Variants in PPARGC1A observed in about 807,000 individuals in gnomAD.
PPARGC1A encodes PPARG coactivator 1 alpha, also known as peroxisome proliferator-activated receptor gamma coactivator 1-alpha.
A neutral mutation model predicts 88.7 loss-of-function variants in PPARGC1A; 25 were observed. The observed-to-expected ratio is 0.28, with a 90% confidence interval of 0.21 to 0.39. PPARGC1A has a LOEUF of 0.39. Among genes scored for constraint, PPARGC1A ranks in the 10% least tolerant of loss-of-function variants. The pLI, the probability that PPARGC1A is intolerant of heterozygous loss-of-function variation, is 1.00. For missense variants in PPARGC1A, 880 were observed against 968.7 expected, an observed-to-expected ratio of 0.91 and a Z score of 1.22; for synonymous variants, 363 against 355.6, an observed-to-expected ratio of 1.02 and a Z score of -0.24.
the PPARGC1A span, among the ~76,000 whole-genome samples, chr4:24,207,789 G>A: frequency 2.0e-5 from 3 of 152,104 alleles, no homozygotes; most frequent in Non-Finnish European, 2.9e-5. Context: ...CTAGCCAGAG[G>A]AAATAAGGAA....
chr4:24,220,547 A>C, the PPARGC1A span, among the ~76,000 whole-genome samples: 3 of 152,314 alleles, frequency 2.0e-5, no homozygotes, highest in African/African-American at 7.2e-5. Flanking sequence ...CAGCCATAAA[A>C]ATGAATGAAA....
the PPARGC1A span, among the ~76,000 whole-genome samples, chr4:23,945,003 C>T: frequency 1.3e-5 from 2 of 152,152 alleles, no homozygotes; most frequent in Admixed American, 6.5e-5. Context: ...AACTTCACAG[C>T]GCTGAGCCTC....
the PPARGC1A span, among the ~76,000 whole-genome samples, chr4:24,387,746 A>AAGAGAGAGAGAGAGAGAGAGAG: frequency 3.3e-5 from 2 of 61,120 alleles, no homozygotes; most frequent in Non-Finnish European, 6.2e-5. Context: ...GAAAGAAAGA[A>AAGAGAGAGAGAGAGAGAGAGAG]AGAGAGAGAG....
chr4:24,442,212 A>T, the PPARGC1A span, among the ~76,000 whole-genome samples: 4 of 152,238 alleles, frequency 2.6e-5, no homozygotes, highest in South Asian at 2.1e-4. Flanking sequence ...TATTCTTGTT[A>T]TCTCTACCTC....
At chr4:24,387,310 T>C in the PPARGC1A span, among the ~76,000 whole-genome samples, 1 of 152,160 alleles carries the variant, frequency 6.6e-6, no homozygotes, top group East Asian at 1.9e-4. Context: ...ACCTAGACAA[T>C]ACCATTCAGG....
chr4:24,398,034 A>G, the PPARGC1A span, among the ~76,000 whole-genome samples: 1 of 152,208 alleles, frequency 6.6e-6, no homozygotes, highest in Admixed American at 6.5e-5. Context: ...TTCCTAGCCT[A>G]AGCCTTAACA....
At chr4:24,031,223 G>C in the PPARGC1A span, among the ~76,000 whole-genome samples, 1 of 152,154 alleles carries the variant, frequency 6.6e-6, no homozygotes, top group Non-Finnish European at 1.5e-5. Context: ...ATTCCCACAA[G>C]AATCGAATCA....
chr4:24,071,925 A>G, the PPARGC1A span, among the ~76,000 whole-genome samples: 2 of 152,114 alleles, frequency 1.3e-5, no homozygotes, highest in African/African-American at 2.4e-5. Context: ...CAAATTAGTC[A>G]TTTAGTATCT....
At chr4:23,941,483 A>G in the PPARGC1A span, among the ~76,000 whole-genome samples, 1 of 152,202 alleles carries the variant, frequency 6.6e-6, no homozygotes, top group African/African-American at 2.4e-5. Context: ...GGCCACTGAT[A>G]TAAACAAAGA....
chr4:24,410,765 C>A, the PPARGC1A span, among the ~76,000 whole-genome samples: 1 of 152,164 alleles, frequency 6.6e-6, no homozygotes, highest in South Asian at 2.1e-4. Context: ...ATGCTTCCTG[C>A]CCTCGAACAT....
chr4:24,280,164 C>T, the PPARGC1A span, among the ~76,000 whole-genome samples: 1 of 152,166 alleles, frequency 6.6e-6, no homozygotes, highest in Non-Finnish European at 1.5e-5. Flanking sequence ...TAGAGCAACT[C>T]GACAGTCCAA....
the PPARGC1A span, among the ~76,000 whole-genome samples, chr4:24,193,902 G>A: frequency 1.3e-5 from 2 of 152,156 alleles, no homozygotes; most frequent in African/African-American, 4.8e-5. Context: ...GCCGAGGTGG[G>A]TGGATCACCT....
chr4:24,292,600 CCCCTCA>C, the PPARGC1A span, among the ~76,000 whole-genome samples: 1 of 94,688 alleles, frequency 1.1e-5, no homozygotes, highest in African/African-American at 4.3e-5. Context: ...TCATCCCTAC[CCCCTCA>C]CCCTCACCCC....
chr4:24,221,882 C>A, the PPARGC1A span, among the ~76,000 whole-genome samples: 1 of 152,294 alleles, frequency 6.6e-6, no homozygotes, highest in African/African-American at 2.4e-5. Flanking sequence ...CCGTTCTTCA[C>A]TCAAAGTTCA....
At chr4:23,947,767 T>G in the PPARGC1A span, among the ~76,000 whole-genome samples, 3 of 152,222 alleles carry the variant, frequency 2.0e-5, no homozygotes, top group South Asian at 6.2e-4. Flanking sequence ...ACCCTAGGCA[T>G]GTGGCCACCT....
the PPARGC1A span, among the ~76,000 whole-genome samples, chr4:23,928,177 G>C: frequency 6.6e-6 from 1 of 152,172 alleles, no homozygotes; most frequent in East Asian, 1.9e-4. Context: ...TGCTTCGTTC[G>C]TTCAAGGTTA....
the PPARGC1A span, among the ~76,000 whole-genome samples, chr4:24,000,510 G>T: frequency 6.2e-5 from 1 of 16,120 alleles, no homozygotes; most frequent in Non-Finnish European, 1.1e-4. Context: ...AATGCAGCAG[G>T]TGCTTTTTTT....
At chr4:24,251,280 C>A in the PPARGC1A span, among the ~76,000 whole-genome samples, 1 of 152,148 alleles carries the variant, frequency 6.6e-6, no homozygotes, top group African/African-American at 2.4e-5. Context: ...TGTGCCTTAG[C>A]CTTCTGTTAA....
At chr4:23,909,732 T>C in the PPARGC1A span, among the ~76,000 whole-genome samples, 2 of 151,778 alleles carry the variant, frequency 1.3e-5, no homozygotes, top group Non-Finnish European at 2.9e-5. Flanking sequence ...CCTGGGCCTC[T>C]ATAAAATAGA....
Sources: allele counts gnomAD v4.1 joint callset (sites outside exome capture counted in the v4.1 genomes callset), GRCh38; gene constraint gnomAD v4.1.1; transcripts MANE v1.5; gene names NCBI Gene and HGNC (gene_info 2026-07-23, HGNC 2026-07-21).